Variants in GPC5 observed in about 807,000 individuals in gnomAD.
GPC5 encodes the protein glypican 5, also known as glypican-5.
GPC5 carries 47 observed loss-of-function variants against 53.9 expected under a neutral mutation model. The observed-to-expected ratio is 0.87, with a 90% confidence interval of 0.69 to 1.11. The LOEUF is 1.11. Among genes scored for constraint, GPC5 ranks in the 50% most tolerant of loss-of-function variants. The pLI, the probability that GPC5 is intolerant of heterozygous loss-of-function variation, is 0.00. For missense variants in GPC5, 748 were observed against 713.1 expected, an observed-to-expected ratio of 1.05 and a Z score of -0.56; for synonymous variants, 286 against 263.3, an observed-to-expected ratio of 1.09 and a Z score of -0.84.
At chr13:91,425,735 C>T (rs1878997763) in intron 1 of GPC5, among the ~76,000 whole-genome samples, 2 of 152,082 alleles carry the variant, frequency 1.3e-5, no homozygotes, top group African/African-American at 4.8e-5. Flanking sequence ...GAGAGTGGGA[C>T]ACTGCTATAA....
intron 7 of GPC5, among the ~76,000 whole-genome samples, chr13:92,613,367 A>G (rs1388726228): frequency 2.3e-5 from 2 of 85,460 alleles, no homozygotes; most frequent in African/African-American, 4.5e-5. Context: ...TAATATATTT[A>G]TATATAAATA....
At chr13:92,044,409 T>C (rs1594741293) in intron 6 of GPC5, among the ~76,000 whole-genome samples, 1 of 152,180 alleles carries the variant, frequency 6.6e-6, no homozygotes, top group Non-Finnish European at 1.5e-5. Context: ...CTACATGGAT[T>C]GGGGAGCCAT....
At chr13:92,286,896 T>C (rs1307085043) in intron 7 of GPC5, among the ~76,000 whole-genome samples, 2 of 151,974 alleles carry the variant, frequency 1.3e-5, no homozygotes, top group East Asian at 3.9e-4. Flanking sequence ...AAAATATCAC[T>C]AGTAAAAAAG....
At chr13:92,582,506 T>G (rs185992574) in intron 7 of GPC5, among the ~76,000 whole-genome samples, 18 of 152,242 alleles carry the variant, frequency 1.2e-4, no homozygotes, top group Middle Eastern at 3.4e-3. Context: ...CCATATAAAT[T>G]TTAGGATTTA....
chr13:91,860,748 T>C (rs2039018763), intron 5 of GPC5, among the ~76,000 whole-genome samples: 1 of 152,042 alleles, frequency 6.6e-6, no homozygotes, highest in African/African-American at 2.4e-5. Context: ...GTGATCCGCC[T>C]ACCTCGGCCT....
chr13:91,737,668 T>C (rs1031276494), intron 4 of GPC5, among the ~76,000 whole-genome samples: 3 of 151,484 alleles, frequency 2.0e-5, no homozygotes, highest in Admixed American at 1.3e-4. Context: ...ATTTTGTGTA[T>C]TATGAAAATT....
chr13:91,975,359 G>T (rs1009056441), intron 6 of GPC5, among the ~76,000 whole-genome samples: 5 of 152,000 alleles, frequency 3.3e-5, no homozygotes, highest in African/African-American at 1.2e-4. Flanking sequence ...GAAAATTTTT[G>T]CAACCTACTC....
intron 7 of GPC5, among the ~76,000 whole-genome samples, chr13:92,614,572 G>A (rs753650461): frequency 6.6e-6 from 1 of 152,198 alleles, no homozygotes; most frequent in Non-Finnish European, 1.5e-5. Flanking sequence ...GTTGTGAGCT[G>A]CTTTTGGGCA....
chr13:91,804,011 T>C (rs1235640578), intron 5 of GPC5, among the ~76,000 whole-genome samples: 1 of 151,398 alleles, frequency 6.6e-6, no homozygotes, highest in African/African-American at 2.4e-5. Flanking sequence ...GAAAGAAATA[T>C]ACAGGGGCAA....
chr13:92,432,153 G>A lies in GPC5; in HGVS notation c.1561+287164G>A, dbSNP rs35344198. Among the ~76,000 whole-genome samples the A allele has an allele frequency of 4.0e-3, 605 of 152,266 alleles. 10 individuals carry two copies. The highest frequency in any genetic ancestry group is 0.01 in the Middle Eastern group (3 of 294). On this transcript the variant is annotated intron_variant, in intron 7 of 7. Transcript: ENST00000377067. ...GAGAGCTTGGCTTACTCTCCCATGT[G>A]AGGACACAGCAAGAAGGTGGCCATC...
chr13:92,088,210 G>A (rs1384281289), intron 6 of GPC5, among the ~76,000 whole-genome samples: 1 of 152,082 alleles, frequency 6.6e-6, no homozygotes, highest in African/African-American at 2.4e-5. Context: ...TACCGAAGCT[G>A]CTCTTCCATA....
intron 5 of GPC5, among the ~76,000 whole-genome samples, chr13:91,881,436 A>G (rs2039262648): frequency 6.6e-6 from 1 of 152,130 alleles, no homozygotes; most frequent in African/African-American, 2.4e-5. Flanking sequence ...TCAGTCAATG[A>G]TAACAGAGAC....
intron 7 of GPC5, among the ~76,000 whole-genome samples, chr13:92,393,628 A>T (rs117972923): frequency 0.023 from 3,521 of 152,276 alleles, 69 homozygotes; most frequent in Non-Finnish European, 0.037. Flanking sequence ...CAGCCTGATG[A>T]CAAGAGTGAT....
intron 6 of GPC5, among the ~76,000 whole-genome samples, chr13:92,071,861 AATAT>A (rs1323536671): frequency 6.8e-6 from 1 of 147,088 alleles, no homozygotes; most frequent in Non-Finnish European, 1.5e-5. Flanking sequence ...AATTTATTAT[AATAT>A]ATATAAATAT....
At chr13:91,984,675 ACCTTAGTAATTT>A (rs1217055266) in intron 6 of GPC5, among the ~76,000 whole-genome samples, 1 of 152,164 alleles carries the variant, frequency 6.6e-6, no homozygotes, top group Non-Finnish European at 1.5e-5. Context: ...ACTAATGTGT[ACCTTAGTAATTT>A]CAATATTTTC....
intron 7 of GPC5, among the ~76,000 whole-genome samples, chr13:92,414,741 G>T (rs552919764): frequency 6.6e-6 from 1 of 152,296 alleles, no homozygotes; most frequent in African/African-American, 2.4e-5. Context: ...AGGCTGGGAA[G>T]TCCAAGAGAA....
In GPC5 at chr13:91,573,306, C is replaced by T. The variant is rs577605977; in HGVS notation, c.326-119881C>T. On this transcript the variant is annotated intron_variant, in intron 2 of 7. Coordinates refer to ENST00000377067, the MANE Select transcript of GPC5 (RefSeq NM_004466.6). Reference sequence around the variant, plus strand: ...CACATTTGCCTGGGTCACATTTAATCTCCTTACGACAGCTACTTTTAAGTG... The same window carrying T: ...CACATTTGCCTGGGTCACATTTAATTTCCTTACGACAGCTACTTTTAAGTG... Among the ~76,000 whole-genome samples, 29 of 152,320 alleles carry T rather than the reference C, an allele frequency of 1.9e-4. 1 individual carries two copies. In the South Asian group the frequency reaches 5.6e-3, roughly 29 times the overall value.
chr13:91,941,676 A>G (rs1046796498), intron 6 of GPC5, among the ~76,000 whole-genome samples: 6 of 152,122 alleles, frequency 3.9e-5, no homozygotes, highest in Non-Finnish European at 7.4e-5. Flanking sequence ...AGCCAGGTTT[A>G]TCTCTACTGT....
chr13:92,305,412 T>C (rs992613122), intron 7 of GPC5, among the ~76,000 whole-genome samples: 2 of 152,218 alleles, frequency 1.3e-5, no homozygotes. Flanking sequence ...CTGTGTGTTA[T>C]AGTATACACT....
Sources: gnomAD v4.1 joint callset for allele counts (sites outside exome capture counted in the v4.1 genomes callset) on GRCh38, gnomAD v4.1.1 for gene constraint, MANE v1.5 for transcripts, NCBI Gene and HGNC (gene_info 2026-07-23, HGNC 2026-07-21) for gene names.